MOB1B: variants seen among roughly 807,000 people sequenced by gnomAD.
The protein encoded by MOB1B is MOB kinase activator 1B, also known as MOB1 Mps One Binder homolog B.
MOB1B carries 19 observed loss-of-function variants against 24.4 expected under a neutral mutation model. The observed-to-expected ratio is 0.78, with a 90% CI of 0.54 to 1.14. The LOEUF is 1.14. Ranked by LOEUF, MOB1B falls within the 50% of genes most tolerant of loss-of-function variation. The probability of loss-of-function intolerance (pLI) is 0.00; values close to 1 mark genes in which losing one functional copy is unlikely to be tolerated. For missense variants in MOB1B, 243 were observed against 259.6 expected (o/e 0.94, Z 0.44); for synonymous variants, 76 against 82.1 (o/e 0.93, Z 0.40).
At chr4:70,972,065 AGTT>A (rs1462296524) in intron 3 of MOB1B, among the ~76,000 whole-genome samples, 4 of 148,980 alleles carry the variant, frequency 2.7e-5, no homozygotes, top group Non-Finnish European at 4.4e-5. Context: ...AAGAAGATGT[AGTT>A]GTTGTCATAG....
chr4:70,959,921 C>G (rs1006578785), intron 2 of MOB1B, among the ~76,000 whole-genome samples: 7 of 152,004 alleles, frequency 4.6e-5, no homozygotes, highest in African/African-American at 1.7e-4. Context: ...CTTGCTCTGT[C>G]GCCCAGGCTG....
At chr4:70,946,423 A>G (rs141117897) in intron 1 of MOB1B, among the ~76,000 whole-genome samples, 2 of 152,338 alleles carry the variant, frequency 1.3e-5, no homozygotes, top group Non-Finnish European at 2.9e-5. Flanking sequence ...GAAGACTCAT[A>G]TCCCTCGTAA....
Position 70,962,767 on chromosome 4 carries a change from G to A in MOB1B, c.181+3727G>A, listed in dbSNP as rs180904794. On this transcript the variant is annotated intron_variant, in intron 2 of 5. Transcript: ENST00000309395. The stretch of plus-strand genomic sequence containing the variant: ...TAATCCCAGCATTTTGGGAGGCCAC[G>A]GTGGGTGGATCACTTGAGCTCAGGA... Among the ~76,000 whole-genome samples, 16 of 152,276 alleles carry A rather than the reference G, an allele frequency of 1.1e-4. No individual in the cohort carries two copies. The East Asian group carries it at 3.1e-3, about 29-fold the overall frequency.
At chr4:70,922,515 G>A (rs948359541) in intron 1 of MOB1B, among the ~76,000 whole-genome samples, 6 of 152,290 alleles carry the variant, frequency 3.9e-5, no homozygotes, top group Non-Finnish European at 8.8e-5. Flanking sequence ...ATTCTTTTGA[G>A]TTTCTGATTA....
At chr4:70,912,186 C>T (rs920239162) in intron 1 of MOB1B, among the ~76,000 whole-genome samples, 3 of 152,108 alleles carry the variant, frequency 2.0e-5, no homozygotes, top group East Asian at 1.9e-4. Context: ...CGTGAGCCAC[C>T]GTGCCCAGCC....
chr4:70,966,517 G>A (rs1738536723), intron 2 of MOB1B, among the ~76,000 whole-genome samples: 2 of 152,008 alleles, frequency 1.3e-5, no homozygotes, highest in African/African-American at 4.8e-5. Context: ...TGGGATTACA[G>A]GCATGCGCCA....
intron 1 of MOB1B, among the ~76,000 whole-genome samples, chr4:70,905,153 C>T (rs1735689398): frequency 1.3e-5 from 2 of 152,058 alleles, no homozygotes; most frequent in South Asian, 4.1e-4. Flanking sequence ...GTGAACACCA[C>T]ATGGAAATGA....
At chr4:70,912,061 T>C (rs1736008108) in intron 1 of MOB1B, among the ~76,000 whole-genome samples, 1 of 151,776 alleles carries the variant, frequency 6.6e-6, no homozygotes, top group Non-Finnish European at 1.5e-5. Flanking sequence ...CATGCTGAGC[T>C]AAGTTTTGTA....
chr4:70,941,423 G>C (rs1249751074), intron 1 of MOB1B, among the ~76,000 whole-genome samples: 1 of 150,190 alleles, frequency 6.7e-6, no homozygotes, highest in East Asian at 2.0e-4. Flanking sequence ...CTCACTGAAA[G>C]CTCCGCCTCC....
chr4:70,953,581 C>A (rs1737898610), intron 1 of MOB1B, among the ~76,000 whole-genome samples: 1 of 152,072 alleles, frequency 6.6e-6, no homozygotes, highest in Non-Finnish European at 1.5e-5. Context: ...ATTTTCCGGA[C>A]TCTCAAAAAA....
At chr4:70,902,198 C>G (rs1019513610), upstream of MOB1B, 2 of 475,408 alleles carry the variant, frequency 4.2e-6, no homozygotes, top group African/African-American at 2.1e-5. Context: ...GTCCCCATGC[C>G]GCAGCCGGAG....
At chr4:70,949,427 C>G (rs562476036) in intron 1 of MOB1B, among the ~76,000 whole-genome samples, 3 of 152,296 alleles carry the variant, frequency 2.0e-5, no homozygotes, top group African/African-American at 7.2e-5. Context: ...AGAACACATT[C>G]TATTTTGACA....
intron 1 of MOB1B, among the ~76,000 whole-genome samples, chr4:70,904,715 C>T (rs549284001): frequency 2.0e-5 from 3 of 149,328 alleles, no homozygotes; most frequent in Admixed American, 6.7e-5. Flanking sequence ...GACGAGATCG[C>T]GCCACTGCAC....
intron 1 of MOB1B, among the ~76,000 whole-genome samples, chr4:70,912,829 C>T (rs1003604437): frequency 5.3e-5 from 8 of 152,172 alleles, no homozygotes; most frequent in African/African-American, 1.2e-4. Context: ...GGCCCGATCT[C>T]GACTCACTGC....
chr4:70,979,370 CT>C, intron 5 of MOB1B, 79 bp downstream of exon 5: 1 of 1,127,472 alleles, frequency 8.9e-7, no homozygotes, highest in East Asian at 2.4e-5. Context: ...TGTATTCACA[CT>C]GTCAGGATGG....
In MOB1B at chr4:70,982,255, A is replaced by G. The variant is rs1739239742; in HGVS notation, c.*198A>G. On this transcript the variant is annotated 3_prime_UTR_variant, in exon 6 of 6. Transcript: ENST00000309395. Reference sequence around the variant, plus strand: ...GGGGAAGCCAAGAACCATTCTCTATACACTTGATAAGGGTAAATTTATCTT... The same window carrying G: ...GGGGAAGCCAAGAACCATTCTCTATGCACTTGATAAGGGTAAATTTATCTT... The G allele has an allele frequency of 2.3e-6, 1 of 440,584 alleles. No homozygotes were observed. Among genetic ancestry groups the G allele is most frequent in the Admixed American group, 4.1e-5 (1 of 24,630 alleles). The allele number at this position is 440,584 out of a possible 1,614,324, so 27.3% of individuals were successfully genotyped here. A position where few individuals can be genotyped will look rare whatever the true frequency, so the allele number is the denominator to read the frequency against.
Position 70,958,871 on chromosome 4 carries a change from T to G in MOB1B, c.15-3T>G. On this transcript the variant is annotated splice_region_variant and splice_polypyrimidine_tract_variant and intron_variant, in intron 1 of 5. Transcript: ENST00000309395. Reference sequence around the variant, plus strand: ...ACCCTTTTTTTTTCTTTTCTATTCATAGTGGTAGTCGCTCTTCTAAAACTT... The same window carrying G: ...ACCCTTTTTTTTTCTTTTCTATTCAGAGTGGTAGTCGCTCTTCTAAAACTT... The G allele has an allele frequency of 6.2e-7, 1 of 1,603,794 alleles. No individual in the cohort carries two copies. Among genetic ancestry groups the G allele is most frequent in the Non-Finnish European group, 8.5e-7 (1 of 1,176,786 alleles).
intron 4 of MOB1B, among the ~76,000 whole-genome samples, chr4:70,977,523 A>C (rs1739054696): frequency 6.6e-6 from 1 of 152,140 alleles, no homozygotes; most frequent in Non-Finnish European, 1.5e-5. Context: ...TATTGTATAT[A>C]TTTAAGGTAT....
chr4:70,935,788 A>AC (rs974450002), intron 1 of MOB1B, among the ~76,000 whole-genome samples: 3 of 134,758 alleles, frequency 2.2e-5, no homozygotes, highest in Non-Finnish European at 4.7e-5. Flanking sequence ...CGATTCTCCC[A>AC]CCTCAAGCCT....
Sources: allele counts gnomAD v4.1 joint callset (sites outside exome capture counted in the v4.1 genomes callset), GRCh38; gene constraint gnomAD v4.1.1; transcripts MANE v1.5; gene names NCBI Gene and HGNC (gene_info 2026-07-23, HGNC 2026-07-21).